The following CDH4 variants were observed in gnomAD, a reference collection of about 807,000 sequenced individuals.
CDH4 encodes the protein cadherin-4.
CDH4 carries 33 observed loss-of-function variants against 86.0 expected under a neutral mutation model. The ratio of observed to expected loss-of-function variants is 0.38; its 90% CI spans 0.29 to 0.51. The LOEUF (loss-of-function observed/expected upper bound fraction) is 0.51. CDH4 is among the 20% of genes least tolerant of loss of function. The pLI, the probability that CDH4 is intolerant of heterozygous loss-of-function variation, is 0.86. For synonymous variants in CDH4, 555 were observed against 549.4 expected, an observed-to-expected ratio of 1.01 and a Z score of -0.14; for missense variants, 1,114 against 1,307.4, an observed-to-expected ratio of 0.85 and a Z score of 2.28.
At chr20:61,376,460 G>A (rs184112962) in intron 2 of CDH4, among the ~76,000 whole-genome samples, 9 of 152,254 alleles carry the variant, frequency 5.9e-5, no homozygotes, top group Admixed American at 2.6e-4. Flanking sequence ...TTAGAGAAAT[G>A]GAAATGGCAC....
intron 2 of CDH4, among the ~76,000 whole-genome samples, chr20:61,636,589 A>G (rs988081796): frequency 6.6e-6 from 1 of 152,104 alleles, no homozygotes; most frequent in African/African-American, 2.4e-5. Flanking sequence ...CCTTTTGTCT[A>G]TCTTTGCGAG....
intron 2 of CDH4, among the ~76,000 whole-genome samples, chr20:61,362,965 C>T (rs1248945346): frequency 1.3e-5 from 2 of 152,198 alleles, no homozygotes; most frequent in African/African-American, 2.4e-5. Context: ...GTCCTGTGCC[C>T]TTGTGCCGTG....
At chr20:61,640,942 C>T (rs1188701430) in intron 2 of CDH4, among the ~76,000 whole-genome samples, 2 of 152,196 alleles carry the variant, frequency 1.3e-5, no homozygotes, top group Admixed American at 6.5e-5. Context: ...GGCAAGGCAG[C>T]TGGGCCTGCT....
Position 61,393,349 on chromosome 20 carries a change from G to T in CDH4, c.169+138412G>T, listed in dbSNP as rs1214518137. 1.3e-5 allele frequency among the ~76,000 whole-genome samples: 2 copies of T among 152,078 alleles called. No homozygotes were observed. The highest frequency in any genetic ancestry group is 2.4e-5 in the African/African-American group (1 of 41,410). On this transcript the variant is annotated intron_variant, in intron 2 of 15. Coordinates refer to ENST00000614565, the MANE Select transcript of CDH4 (RefSeq NM_001794.5). This position sits in a 1 kb window ranked among gnomAD's most constrained non-coding sequence, Gnocchi z 4.3. ...GGTGTGGGGGACAGCAGCCGGGGGGGGCCGGGGTCTTCCTTACCTCCTAGC... is the reference window on the plus strand; with the variant it reads ...GGTGTGGGGGACAGCAGCCGGGGGGTGCCGGGGTCTTCCTTACCTCCTAGC...
At chr20:61,716,402 C>T (rs142509448) in intron 2 of CDH4, among the ~76,000 whole-genome samples, 35 of 152,302 alleles carry the variant, frequency 2.3e-4, no homozygotes, top group Admixed American at 4.6e-4. Context: ...AAGGGGTGGA[C>T]GCTCATCACC....
chr20:61,397,903 A>AT (rs111559624), intron 2 of CDH4, among the ~76,000 whole-genome samples: 3,661 of 151,258 alleles, frequency 0.024, 95 homozygotes, highest in African/African-American at 0.065. Context: ...CGCAGCTGCT[A>AT]TTTTTTTTTA....
intron 2 of CDH4, among the ~76,000 whole-genome samples, chr20:61,730,116 T>C (rs1222984358): frequency 2.0e-5 from 3 of 152,180 alleles, no homozygotes; most frequent in Non-Finnish European, 4.4e-5. Context: ...TTGTTAGGAC[T>C]GACGGACAAT....
In CDH4 at chr20:61,501,816, TTC is replaced by T. The variant is rs1226524784; in HGVS notation, c.170-241745_170-241744del. 6.6e-6 allele frequency among the ~76,000 whole-genome samples: 1 copy of T among 152,116 alleles called. No homozygotes were observed. Among genetic ancestry groups the T allele is most frequent in the Non-Finnish European group, 1.5e-5 (1 of 68,016 alleles). On this transcript the variant is annotated intron_variant, in intron 2 of 15. Transcript: ENST00000614565. The surrounding 1 kb of genome is among the most constrained non-coding windows in gnomAD (Gnocchi z 4.2). ...TAATGAAACTTTTCTGTTCTCTCCT[TTC>T]TAGGTAAGTGATTCCGGTGCTAACG...
Position 61,517,972 on chromosome 20 carries a change from G to C in CDH4, c.170-225591G>C, listed in dbSNP as rs560701655. 4.6e-5 allele frequency among the ~76,000 whole-genome samples: 7 copies of C among 151,742 alleles called. No individual in the cohort carries two copies. Among genetic ancestry groups the C allele is most frequent in the East Asian group, 2.0e-4 (1 of 5,034 alleles). ...CTGATTGCCCCTGGATGGGCCTCTC[G>C]TGTGGGGCTGGGGCAGGAGCTGCCT... is the stretch of plus-strand genomic sequence containing the variant. On this transcript the variant is annotated intron_variant, in intron 2 of 15. Transcript: ENST00000614565. The surrounding 1 kb of genome is among the most constrained non-coding windows in gnomAD (Gnocchi z 6.6).
intron 2 of CDH4, among the ~76,000 whole-genome samples, chr20:61,278,204 T>C (rs138584600): frequency 6.6e-6 from 1 of 152,346 alleles, no homozygotes; most frequent in East Asian, 1.9e-4. Flanking sequence ...GTAACTCCAT[T>C]GCCTGTATCA....
chr20:61,514,306 G>GCCCCCCCCCCCCCCCCCCCC (rs1215793319), intron 2 of CDH4, among the ~76,000 whole-genome samples: 2 of 125,806 alleles, frequency 1.6e-5, no homozygotes, highest in African/African-American at 6.4e-5. Context: ...GCCTCAGTCC[G>GCCCCCCCCCCCCCCCCCCCC]CCCCCCCCGC....
At chr20:61,887,523 GCACA>G (rs945206873) in intron 7 of CDH4, among the ~76,000 whole-genome samples, 4 of 147,352 alleles carry the variant, frequency 2.7e-5, no homozygotes, top group Admixed American at 2.0e-4. Context: ...ATACACACAT[GCACA>G]CACACAATAC....
chr20:61,422,865 C>T (rs2085187756), intron 2 of CDH4, among the ~76,000 whole-genome samples: 1 of 152,214 alleles, frequency 6.6e-6, no homozygotes, highest in Non-Finnish European at 1.5e-5. Flanking sequence ...AGTGCTTCTC[C>T]TGCTGCTGGG....
intron 2 of CDH4, among the ~76,000 whole-genome samples, chr20:61,696,844 G>A (rs1335935819): frequency 3.9e-5 from 6 of 152,352 alleles, no homozygotes; most frequent in African/African-American, 1.2e-4. Context: ...ATCGCAAGAT[G>A]AGATCATCCT....
Position 61,936,917 on chromosome 20 carries a change from A to ATGTATGGAGGTGGTG in CDH4, c.2726_2740dup (p.Gly913_Glu914insValTyrGlyGlyGly). 1 of 1,596,902 alleles carries ATGTATGGAGGTGGTG rather than the reference A, an allele frequency of 6.3e-7. No homozygotes were observed. The highest frequency in any genetic ancestry group is 8.5e-7 in the Non-Finnish European group (1 of 1,171,986). ...GCCCAGATTCAAGAAGCTGGCGGAC[A>ATGTATGGAGGTGGTG]TGTATGGAGGTGGTGAAGAGGATTG... On this transcript the variant is annotated inframe_insertion, in exon 16 of 16. Coordinates refer to ENST00000614565, the MANE Select transcript of CDH4 (RefSeq NM_001794.5).
chr20:61,907,892 C>G (rs2054808260), intron 8 of CDH4, among the ~76,000 whole-genome samples: 3 of 152,178 alleles, frequency 2.0e-5, no homozygotes, highest in South Asian at 2.1e-4. Flanking sequence ...GCGTGGCCAT[C>G]GTGTGAGGAA....
chr20:61,499,469 CCTTT>C, intron 2 of CDH4: 1 of 1,289,114 alleles, frequency 7.8e-7, no homozygotes. Flanking sequence ...CTCAGCGCCT[CCTTT>C]CTACCCTGCT....
Position 61,934,240 on chromosome 20 carries a change from G to C in CDH4, c.2544+20G>C, listed in dbSNP as rs745502338. 2 of 1,511,560 alleles carry C rather than the reference G, an allele frequency of 1.3e-6. No individual in the cohort carries two copies. The highest frequency in any genetic ancestry group is 8.9e-7 in the Non-Finnish European group (1 of 1,127,650). The allele number at this position is 1,511,560 out of a possible 1,614,324, so 93.6% of individuals were successfully genotyped here. ...AATGAGGTGTGTGCCTCTCGGCAGT[G>C]GGGGGCCCGGGCAAGGTGTCTCCTC... On this transcript the variant is annotated intron_variant, in intron 15 of 15. Transcript: ENST00000614565.
chr20:61,369,775 G>C (rs1402927276), intron 2 of CDH4: 1 of 151,756 alleles, frequency 6.6e-6, no homozygotes, highest in African/African-American at 2.4e-5. Context: ...GACAGGGCTC[G>C]GGGGCACTTC....
Sources: allele counts gnomAD v4.1 joint callset (sites outside exome capture counted in the v4.1 genomes callset), GRCh38; gene constraint gnomAD v4.1.1; non-coding constraint Gnocchi (gnomAD v3.1); transcripts MANE v1.5; gene names NCBI Gene and HGNC (gene_info 2026-07-23, HGNC 2026-07-21).